The following EPAS1 variants were observed in gnomAD, a reference collection of about 807,000 sequenced individuals.
EPAS1 encodes the protein endothelial PAS domain protein 1.
In EPAS1, 23 loss-of-function variants were observed where a neutral mutation model predicts 87.9. That is an observed-to-expected ratio of 0.26 (90% CI 0.19 to 0.37). EPAS1 has a LOEUF of 0.37. Ranked by LOEUF, EPAS1 falls within the 10% of genes least tolerant of loss-of-function variation. EPAS1 has a pLI of 1.00. For missense variants in EPAS1, 1,138 were observed against 1,120.7 expected (o/e 1.02, Z -0.22); for synonymous variants, 508 against 444.3 (o/e 1.14, Z -1.80).
intron 7 of EPAS1, among the ~76,000 whole-genome samples, chr2:46,373,370 ACAACT>A (rs899639022): frequency 3.3e-5 from 5 of 152,244 alleles, no homozygotes; most frequent in Non-Finnish European, 7.3e-5. Flanking sequence ...AAAACTGAAA[ACAACT>A]CAAACATCCA....
rs886932213 is a variant in EPAS1, at chr2:46,331,885, GT to G, written c.27-14979del. 2.3e-3 allele frequency among the ~76,000 whole-genome samples: 355 copies of G among 151,282 alleles called. 1 individual carries two copies. The highest frequency in any genetic ancestry group is 8.1e-3 in the African/African-American group (332 of 41,230). ...TCTGAGGCTTCAGGACTTTCAGGCTGTTTTTTTTTCCCCGGGCTTAAAGTCT... is the reference window on the plus strand; with the variant it reads ...TCTGAGGCTTCAGGACTTTCAGGCTGTTTTTTTTCCCCGGGCTTAAAGTCT... On this transcript the variant is annotated intron_variant, in intron 1 of 15. Coordinates refer to ENST00000263734, the MANE Select transcript of EPAS1 (RefSeq NM_001430.5).
At chr2:46,320,571 AT>A (rs1381829190) in intron 1 of EPAS1, among the ~76,000 whole-genome samples, 1 of 152,208 alleles carries the variant, frequency 6.6e-6, no homozygotes, top group Non-Finnish European at 1.5e-5. Context: ...GAGAATAGGG[AT>A]TTTGAAGCCA....
Position 46,347,432 on chromosome 2 carries a change from T to G in EPAS1, c.217+369T>G, listed in dbSNP as rs1169412456. 3 of 343,084 alleles carry G rather than the reference T, an allele frequency of 8.7e-6. No individual in the cohort carries two copies. Among genetic ancestry groups the G allele is most frequent in the Non-Finnish European group, 1.7e-5 (3 of 178,146 alleles). 21.3% of individuals were successfully genotyped at this position (343,084 alleles called of 1,614,324 possible). On this transcript the variant is annotated intron_variant, in intron 2 of 15. Transcript: ENST00000263734. This position sits in a 1 kb window ranked among gnomAD's most constrained non-coding sequence, Gnocchi z 4.2. ...ATTGAGTCCGCAGGAAGCATTCTAA[T>G]CCTTAACTTCCAGTGCCTTCTCCAG... is the stretch of plus-strand genomic sequence containing the variant.
At chr2:46,325,938 G>C (rs1282795542) in intron 1 of EPAS1, among the ~76,000 whole-genome samples, 1 of 152,180 alleles carries the variant, frequency 6.6e-6, no homozygotes, top group Non-Finnish European at 1.5e-5. Flanking sequence ...TAGCTAAGCT[G>C]TAGTGATCAC....
intron 6 of EPAS1, among the ~76,000 whole-genome samples, chr2:46,369,358 A>G (rs1216281042): frequency 6.6e-6 from 1 of 152,172 alleles, no homozygotes; most frequent in Admixed American, 6.5e-5. Context: ...TGTTTCATTT[A>G]TACTGCCTTC....
At chr2:46,383,247 G>A (rs1382961579) in intron 15 of EPAS1, among the ~76,000 whole-genome samples, 1 of 152,198 alleles carries the variant, frequency 6.6e-6, no homozygotes, top group Non-Finnish European at 1.5e-5. Flanking sequence ...GTTCAGGCAG[G>A]TGCTGAGAAC....
chr2:46,302,396 C>G (rs1046511433), intron 1 of EPAS1, among the ~76,000 whole-genome samples: 10 of 152,026 alleles, frequency 6.6e-5, no homozygotes, highest in Admixed American at 2.6e-4. Context: ...TGCCAACCTG[C>G]TAGTTTCCCT....
rs1684020867 is a variant in EPAS1, at chr2:46,346,202, C to G, written c.27-671C>G. Among the ~76,000 whole-genome samples the G allele has an allele frequency of 6.6e-6, 1 of 152,224 alleles. No homozygotes were observed. The highest frequency in any genetic ancestry group is 2.4e-5 in the African/African-American group (1 of 41,452). On this transcript the variant is annotated intron_variant, in intron 1 of 15. Transcript: ENST00000263734. The surrounding 1 kb of genome is among the most constrained non-coding windows in gnomAD (Gnocchi z 4.0). ...AAGAGGAGAATGAGGCTGAGACAGC[C>G]TGGCAACCTATGCTGGCAGGGCTTA...
At chr2:46,326,220 C>T (rs1287228473) in intron 1 of EPAS1, among the ~76,000 whole-genome samples, 1 of 152,130 alleles carries the variant, frequency 6.6e-6, no homozygotes, top group Non-Finnish European at 1.5e-5. Flanking sequence ...AACTTATGCT[C>T]TTGGGAGAAG....
intron 1 of EPAS1, among the ~76,000 whole-genome samples, chr2:46,301,822 T>C (rs2346417): frequency 6.8e-6 from 1 of 147,040 alleles, no homozygotes; most frequent in South Asian, 2.1e-4. Flanking sequence ...TGTTTGCTTT[T>C]TGAAAAAAAA....
intron 1 of EPAS1, among the ~76,000 whole-genome samples, chr2:46,309,313 A>G (rs1188548042): frequency 6.6e-6 from 1 of 152,256 alleles, no homozygotes; most frequent in African/African-American, 2.4e-5. Flanking sequence ...ACAAAGAGGC[A>G]TTAGATGGAC....
Position 46,297,679 on chromosome 2 carries a change from G to T in EPAS1, c.-233G>T. The stretch of plus-strand genomic sequence containing the variant: ...ACAGCCTCCACCCACTCCTTCCCCG[G>T]ACCCCGCCTCCGCGCGCAGGTTCCT... On this transcript the variant is annotated 5_prime_UTR_variant, in exon 1 of 16. Coordinates refer to ENST00000263734, the MANE Select transcript of EPAS1 (RefSeq NM_001430.5). 1.8e-6 allele frequency: 1 copy of T among 561,890 alleles called. No individual in the cohort carries two copies. Among genetic ancestry groups the T allele is most frequent in the Non-Finnish European group, 3.1e-6 (1 of 318,488 alleles). 34.8% of individuals were successfully genotyped at this position (561,890 alleles called of 1,614,324 possible).
chr2:46,384,961 T>A lies in EPAS1; in HGVS notation c.*301T>A, dbSNP rs1042687846. On this transcript the variant is annotated 3_prime_UTR_variant, in exon 16 of 16. Transcript: ENST00000263734. ...TATATTATCCATAGGTTTCTCTCCC[T>A]CCTTCTCCTTCTCACACACAACTGT... 7.3e-6 allele frequency: 3 copies of A among 413,054 alleles called. No individual in the cohort carries two copies. Among genetic ancestry groups the A allele is most frequent in the Non-Finnish European group, 1.4e-5 (3 of 219,682 alleles). 25.6% of individuals were successfully genotyped at this position (413,054 alleles called of 1,614,324 possible). A position where few individuals can be genotyped will look rare whatever the true frequency, so the allele number is the denominator to read the frequency against.
chr2:46,336,643 G>C (rs1683799205), intron 1 of EPAS1, among the ~76,000 whole-genome samples: 1 of 152,232 alleles, frequency 6.6e-6, no homozygotes, highest in Admixed American at 6.5e-5. Context: ...ACGTGCCTCA[G>C]ATTAGGATGG....
chr2:46,315,387 G>A (rs1337859095), intron 1 of EPAS1, among the ~76,000 whole-genome samples: 1 of 152,154 alleles, frequency 6.6e-6, no homozygotes, highest in Non-Finnish European at 1.5e-5. Context: ...CATAAGTGTT[G>A]GGGAGTCACC....
chr2:46,378,778 G>A lies in EPAS1; in HGVS notation c.1554+11G>A, dbSNP rs1433632025. The stretch of plus-strand genomic sequence containing the variant: ...CAATGCAGTACCCAGGTAGATGGCT[G>A]TGGAGATCAGGCTAGGGTGTGTGCC... On this transcript the variant is annotated intron_variant, in intron 11 of 15. Coordinates refer to ENST00000263734, the MANE Select transcript of EPAS1 (RefSeq NM_001430.5). 3 of 1,606,234 alleles carry A rather than the reference G, an allele frequency of 1.9e-6. No homozygotes were observed. Among genetic ancestry groups the A allele is most frequent in the South Asian group, 1.1e-5 (1 of 90,938 alleles).
At chr2:46,301,386 TCAA>T (rs1265609768) in intron 1 of EPAS1, among the ~76,000 whole-genome samples, 1 of 151,890 alleles carries the variant, frequency 6.6e-6, no homozygotes, top group African/African-American at 2.4e-5. Flanking sequence ...ACCAGCCTGG[TCAA>T]CATGGTGAAA....
chr2:46,375,200 C>A lies in EPAS1; in HGVS notation c.887-490C>A, dbSNP rs76346126. On this transcript the variant is annotated intron_variant, in intron 7 of 15. Transcript: ENST00000263734. The surrounding 1 kb of genome is among the most constrained non-coding windows in gnomAD (Gnocchi z 4.1). ...GCTGAAAAAAAAAAACAAAAAAAAACAAAAAAAACTGCCCTGAGGTCAGGC... is the reference window on the plus strand; with the variant it reads ...GCTGAAAAAAAAAAACAAAAAAAAAAAAAAAAAACTGCCCTGAGGTCAGGC... Among the ~76,000 whole-genome samples, 3,107 of 122,122 alleles carry A rather than the reference C, an allele frequency of 0.025. 70 individuals carry two copies. Among genetic ancestry groups the A allele is most frequent in the African/African-American group, 0.058 (2,124 of 36,370 alleles). 80.1% of individuals were successfully genotyped at this position (122,122 alleles called of 152,430 possible). A position where few individuals can be genotyped will look rare whatever the true frequency, so the allele number is the denominator to read the frequency against.
At chr2:46,333,712 A>C (rs1297392597) in intron 1 of EPAS1, among the ~76,000 whole-genome samples, 1 of 152,078 alleles carries the variant, frequency 6.6e-6, no homozygotes, top group Non-Finnish European at 1.5e-5. Flanking sequence ...CTTGGACTTC[A>C]TCATGAGGAT....
Sources: gnomAD v4.1 joint callset for allele counts (sites outside exome capture counted in the v4.1 genomes callset) on GRCh38, gnomAD v4.1.1 for gene constraint, Gnocchi (gnomAD v3.1) non-coding constraint, MANE v1.5 for transcripts, NCBI Gene and HGNC (gene_info 2026-07-23, HGNC 2026-07-21) for gene names.